SH3PXD2A: variants seen among roughly 807,000 people sequenced by gnomAD.
SH3PXD2A encodes the protein SH3 and PX domains 2A, also known as SH3 and PX domain-containing protein 2A.
Under a neutral mutation model 115.2 loss-of-function variants are expected in SH3PXD2A, and 32 were observed. That is an observed-to-expected ratio of 0.28 (90% CI 0.21 to 0.37). SH3PXD2A has a LOEUF of 0.37. Among genes scored for constraint, SH3PXD2A ranks in the 10% least tolerant of loss-of-function variants. The probability of loss-of-function intolerance (pLI) is 1.00; values close to 1 mark genes in which losing one functional copy is unlikely to be tolerated. For missense variants in SH3PXD2A, 1,328 were observed against 1,498.7 expected, an observed-to-expected ratio of 0.89 and a Z score of 1.88; for synonymous variants, 610 against 629.1, an observed-to-expected ratio of 0.97 and a Z score of 0.45.
At chr10:103,842,818 G>C (rs915329363) in intron 1 of SH3PXD2A, among the ~76,000 whole-genome samples, 1 of 152,160 alleles carries the variant, frequency 6.6e-6, no homozygotes, top group East Asian at 1.9e-4. Flanking sequence ...TGTTCCCAGC[G>C]CTTGACACAT....
At chr10:103,714,458 G>A (rs1025971599) in intron 5 of SH3PXD2A, among the ~76,000 whole-genome samples, 4 of 152,200 alleles carry the variant, frequency 2.6e-5, no homozygotes, top group South Asian at 2.1e-4. Context: ...AGGCGTGTGC[G>A]CTATGAGCTG....
At chr10:103,828,041 C>A (rs1018467974) in intron 1 of SH3PXD2A, among the ~76,000 whole-genome samples, 16 of 152,312 alleles carry the variant, frequency 1.1e-4, no homozygotes, top group African/African-American at 3.6e-4. Flanking sequence ...GATCATCATC[C>A]CTGCAGGGCC....
At position 103,612,955 on chromosome 10, in the gene SH3PXD2A, C is replaced by T; in HGVS notation, c.1156G>A (p.Ala386Thr). ...KEISLPILCN[A>T]SNGSAVGVPD... is the part of the protein sequence containing the mutation. ...ACGCCCACGGCACTGCCATTGGAGG[C>T]ATTGCAGAGGATGGGCAGGCTGATC... The change falls in exon 12 of 15, where the codon GCC becomes ACC. Residue 386 changes from alanine to threonine, a missense_variant. Transcript: ENST00000369774. 1 of 1,614,198 alleles carries T rather than the reference C, an allele frequency of 6.2e-7. No homozygotes were observed. Among genetic ancestry groups the T allele is most frequent in the Non-Finnish European group, 8.5e-7 (1 of 1,180,014 alleles).
chr10:103,803,617 G>A (rs545639407), intron 1 of SH3PXD2A, among the ~76,000 whole-genome samples: 1 of 152,254 alleles, frequency 6.6e-6, no homozygotes, highest in East Asian at 1.9e-4. Flanking sequence ...TTGAACCCAG[G>A]TCTAGCTGAG....
At chr10:103,633,666 T>C (rs1390359872) in intron 8 of SH3PXD2A, among the ~76,000 whole-genome samples, 1 of 136,332 alleles carries the variant, frequency 7.3e-6, no homozygotes, top group Non-Finnish European at 1.5e-5. Flanking sequence ...AGGTGGAGAT[T>C]TCAGTGAGCC....
chr10:103,797,152 C>A (rs934950775), intron 2 of SH3PXD2A, among the ~76,000 whole-genome samples: 2 of 152,168 alleles, frequency 1.3e-5, no homozygotes, highest in Non-Finnish European at 2.9e-5. Flanking sequence ...GCATGAACCA[C>A]CACGCCCAGT....
At chr10:103,700,991 CATTTACCATCTATCCATCT>C (rs1322446847) in intron 5 of SH3PXD2A, among the ~76,000 whole-genome samples, 5 of 147,214 alleles carry the variant, frequency 3.4e-5, no homozygotes, top group African/African-American at 1.3e-4. Flanking sequence ...ATCCATCATC[CATTTACCATCTATCCATCT>C]ATCCATCCAC....
At chr10:103,639,479 G>A (rs983228988) in intron 8 of SH3PXD2A, among the ~76,000 whole-genome samples, 40 of 151,936 alleles carry the variant, frequency 2.6e-4, no homozygotes, top group African/African-American at 8.7e-4. Context: ...GCATGGTGGC[G>A]TGTGCCTGTA....
At chr10:103,643,717 G>A (rs1475260044) in intron 8 of SH3PXD2A, among the ~76,000 whole-genome samples, 1 of 152,166 alleles carries the variant, frequency 6.6e-6, no homozygotes, top group Non-Finnish European at 1.5e-5. Context: ...TTCTCATGAC[G>A]AGATTCAATG....
intron 2 of SH3PXD2A, among the ~76,000 whole-genome samples, chr10:103,775,382 A>G (rs1180214242): frequency 1.3e-5 from 2 of 152,210 alleles, no homozygotes; most frequent in Non-Finnish European, 2.9e-5. Context: ...CTTAACTAGC[A>G]GCATTAAGTG....
At chr10:103,684,363 C>A (rs1043826529) in intron 6 of SH3PXD2A, among the ~76,000 whole-genome samples, 2 of 130,250 alleles carry the variant, frequency 1.5e-5, no homozygotes, top group African/African-American at 5.3e-5. Context: ...GGTAGACTAA[C>A]CCTTTTTTTT....
intron 6 of SH3PXD2A, among the ~76,000 whole-genome samples, chr10:103,685,913 G>A (rs1404439249): frequency 6.6e-6 from 1 of 152,156 alleles, no homozygotes; most frequent in Non-Finnish European, 1.5e-5. Flanking sequence ...TCAACTCAAA[G>A]ACCAACTTCT....
intron 3 of SH3PXD2A, among the ~76,000 whole-genome samples, chr10:103,760,068 G>C (rs760920409): frequency 7.2e-5 from 11 of 152,166 alleles, no homozygotes; most frequent in Non-Finnish European, 1.6e-4. Context: ...CTTGCTCTGG[G>C]GCATACGGCA....
At chr10:103,743,951 G>A (rs1169836856) in intron 3 of SH3PXD2A, among the ~76,000 whole-genome samples, 1 of 152,216 alleles carries the variant, frequency 6.6e-6, no homozygotes, top group Non-Finnish European at 1.5e-5. Context: ...AGAGCATAGA[G>A]CAGAGAGGCC....
chr10:103,648,149 C>T (rs149101596), intron 8 of SH3PXD2A, among the ~76,000 whole-genome samples: 1 of 152,186 alleles, frequency 6.6e-6, no homozygotes, highest in Non-Finnish European at 1.5e-5. Context: ...TGAGAAGGGC[C>T]CAGGTAGACA....
At chr10:103,675,710 AGT>A (rs2037523283) in intron 6 of SH3PXD2A, among the ~76,000 whole-genome samples, 1 of 152,222 alleles carries the variant, frequency 6.6e-6, no homozygotes. Flanking sequence ...TCTTCACAAC[AGT>A]CTGTAATTTA....
At chr10:103,613,549 A>T (rs903257840) in intron 11 of SH3PXD2A, among the ~76,000 whole-genome samples, 1 of 152,184 alleles carries the variant, frequency 6.6e-6, no homozygotes, top group African/African-American at 2.4e-5. Context: ...TCAGTTGAGG[A>T]TAATTAGAGA....
chr10:103,674,190 C>T (rs1374551710), intron 6 of SH3PXD2A, among the ~76,000 whole-genome samples: 2 of 152,172 alleles, frequency 1.3e-5, no homozygotes, highest in Non-Finnish European at 1.5e-5. Context: ...CCAGGAAATT[C>T]GGCCACCACT....
At position 103,595,587 on chromosome 10, in the gene SH3PXD2A, C is replaced by T. The variant is rs950730728; in HGVS notation, c.*6229G>A. ...CCCTCCCTCCCTTTTTTCTCTTTCA[C>T]CTCTTGAGGCGCAGCCTATTGGCCA... On this transcript the variant is annotated 3_prime_UTR_variant, in exon 15 of 15. Transcript: ENST00000369774. 6.6e-6 allele frequency: 1 copy of T among 152,266 alleles called. No individual in the cohort carries two copies. Among genetic ancestry groups the T allele is most frequent in the Non-Finnish European group, 1.5e-5 (1 of 68,084 alleles). The allele number at this position is 152,266 out of a possible 1,614,324, so 9.4% of individuals were successfully genotyped here.
Sources: gnomAD v4.1 joint callset for allele counts (sites outside exome capture counted in the v4.1 genomes callset) on GRCh38, gnomAD v4.1.1 for gene constraint, MANE v1.5 for transcripts, NCBI Gene and HGNC (gene_info 2026-07-23, HGNC 2026-07-21) for gene names.